PKHD1: variants seen among roughly 807,000 people sequenced by gnomAD.
PKHD1 encodes fibrocystin.
In PKHD1, 291 loss-of-function variants were observed where a neutral mutation model predicts 412.0. The ratio of observed to expected loss-of-function variants is 0.71; its 90% CI spans 0.64 to 0.78. The LOEUF is 0.78. Among genes scored for constraint, PKHD1 ranks in the 30% least tolerant of loss-of-function variants. The probability of loss-of-function intolerance (pLI) is 0.00; values close to 1 mark genes in which losing one functional copy is unlikely to be tolerated. For missense variants in PKHD1, 4,825 were observed against 4,950.7 expected, an observed-to-expected ratio of 0.97 and a Z score of 0.76; for synonymous variants, 1,777 against 1,821.5, an observed-to-expected ratio of 0.98 and a Z score of 0.62.
chr6:52,027,946 G>T, intron 30 of PKHD1, 50 bp from the exon 31 acceptor site: 1 of 1,426,552 alleles, frequency 7.0e-7, no homozygotes, highest in Non-Finnish European at 9.9e-7. Flanking sequence ...AGAGAGATAA[G>T]AAAGAGTAAG....
intron 52 of PKHD1, among the ~76,000 whole-genome samples, chr6:51,795,873 A>C (rs1425081850): frequency 6.6e-6 from 1 of 152,162 alleles, no homozygotes; most frequent in African/African-American, 2.4e-5. Context: ...GACGAAGACT[A>C]CTTGATCATG....
chr6:51,890,546 G>GA (rs76785636), intron 43 of PKHD1, among the ~76,000 whole-genome samples: 9,655 of 138,448 alleles, frequency 0.07, 348 homozygotes, highest in African/African-American at 0.11. Context: ...ATAGTCACCA[G>GA]AAAAAAAAAA....
chr6:51,755,249 T>G (rs957549098), intron 55 of PKHD1, among the ~76,000 whole-genome samples: 2 of 152,192 alleles, frequency 1.3e-5, no homozygotes, highest in African/African-American at 4.8e-5. Context: ...ATCAGCAACC[T>G]TCTTTCTGGA....
chr6:51,862,844 T>C (rs1774422139), intron 48 of PKHD1, among the ~76,000 whole-genome samples: 1 of 151,870 alleles, frequency 6.6e-6, no homozygotes, highest in African/African-American at 2.4e-5. Context: ...ACCTGGGAGG[T>C]TTTGCTGGGT....
intron 66 of PKHD1, among the ~76,000 whole-genome samples, chr6:51,626,258 A>G (rs1343818714): frequency 6.6e-6 from 1 of 152,178 alleles, no homozygotes; most frequent in African/African-American, 2.4e-5. Context: ...AGAAAATATG[A>G]TAATTGACTC....
chr6:52,085,013 T>C lies in PKHD1; in HGVS notation c.-80A>G, dbSNP rs1582169607. The C allele has an allele frequency of 4.2e-6, 4 of 963,662 alleles. No homozygotes were observed. The East Asian group carries it at 9.6e-5, about 23-fold the overall frequency. 59.7% of individuals were successfully genotyped at this position (963,662 alleles called of 1,614,324 possible). The stretch of plus-strand genomic sequence containing the variant: ...AGTTTTGATTGGAGCAGCATAGCTT[T>C]TGTGCTTTATAAAAACAAAAAAAGC... On this transcript the variant is annotated 5_prime_UTR_variant, in exon 2 of 67. Coordinates refer to ENST00000371117, the MANE Select transcript of PKHD1 (RefSeq NM_138694.4).
intron 37 of PKHD1, among the ~76,000 whole-genome samples, chr6:51,925,398 A>G (rs1785368350): frequency 6.6e-6 from 1 of 151,764 alleles, no homozygotes; most frequent in Non-Finnish European, 1.5e-5. Flanking sequence ...TGACTGGGCT[A>G]TGGGGTACCC....
intron 52 of PKHD1, among the ~76,000 whole-genome samples, chr6:51,829,954 G>A (rs12204614): frequency 0.44 from 67,488 of 151,952 alleles, 16,075 homozygotes; most frequent in Middle Eastern, 0.62. Flanking sequence ...GTCTGTAAAA[G>A]TGGGGATAAT....
At chr6:51,648,551 G>C (rs958145087) in intron 62 of PKHD1, among the ~76,000 whole-genome samples, 11 of 152,118 alleles carry the variant, frequency 7.2e-5, no homozygotes, top group Non-Finnish European at 1.5e-4. Context: ...TTATAAACAG[G>C]AGAAAGCCAA....
At chr6:51,992,573 C>A (rs1014018285) in intron 35 of PKHD1, among the ~76,000 whole-genome samples, 4 of 152,134 alleles carry the variant, frequency 2.6e-5, no homozygotes, top group African/African-American at 9.7e-5. Flanking sequence ...TGTGGAGAAG[C>A]CACCAGTACA....
Position 51,619,332 on chromosome 6 carries a change from A to G in PKHD1, c.11974T>C (p.Tyr3992His). ...TTCCAGTTCCCAGTCTCTTGCAGGT[A>G]CACCTGCTGAGCAGGAGCACCTGGA... The part of the protein sequence containing the change: ...CAPGAPAQQV[Y>H]LQETGNWKEG... Residue 3992 changes from tyrosine to histidine, a missense_variant, in exon 67 of 67, where the codon TAC becomes CAC. Tyr to His is a moderately conservative substitution (Grantham distance 83). Transcript: ENST00000371117. 6.2e-7 allele frequency: 1 copy of G among 1,614,142 alleles called. No homozygotes were observed. Among genetic ancestry groups the G allele is most frequent in the Non-Finnish European group, 8.5e-7 (1 of 1,179,926 alleles).
At chr6:52,058,652 C>A (rs1198712075) in intron 15 of PKHD1, 51 bp from the exon 16 acceptor site, 2 of 1,575,612 alleles carry the variant, frequency 1.3e-6, no homozygotes, top group Admixed American at 3.3e-5. Context: ...TTCCAGGCAT[C>A]TCTTTCTCAA....
intron 31 of PKHD1, 39 bp downstream of exon 31, chr6:52,027,790 T>A (rs1802440373): frequency 7.1e-7 from 1 of 1,418,342 alleles, no homozygotes; most frequent in African/African-American, 1.4e-5. Flanking sequence ...CAAATAGAAT[T>A]GCTGGATAAT....
chr6:51,791,277 C>T lies in PKHD1; in HGVS notation c.8399G>A (p.Ser2800Asn), dbSNP rs755873936. 1.2e-6 allele frequency: 2 copies of T among 1,614,046 alleles called. No homozygotes were observed. Among genetic ancestry groups the T allele is most frequent in the Non-Finnish European group, 1.7e-6 (2 of 1,179,926 alleles). The change falls in exon 53 of 67, where the codon AGT becomes AAT. Residue 2800 changes from serine to asparagine, a missense_variant. Transcript: ENST00000371117. ...GCCTGCAATGACCATGCATGCCACACTCAGAACATTGCTTCTGTCCACAGG... is the reference window on the plus strand; with the variant it reads ...GCCTGCAATGACCATGCATGCCACATTCAGAACATTGCTTCTGTCCACAGG... ...DFPVDRSNVL[S>N]VACMVIAGGE...
chr6:52,011,625 G>A (rs1401041480), intron 34 of PKHD1, among the ~76,000 whole-genome samples: 2 of 152,190 alleles, frequency 1.3e-5, no homozygotes, highest in East Asian at 3.8e-4. Context: ...TTGAGAAACT[G>A]TACACCATGT....
chr6:51,616,800 A>G lies in PKHD1; in HGVS notation c.*2281T>C, dbSNP rs967924518. The G allele has an allele frequency of 5.0e-6, 2 of 397,272 alleles. No homozygotes were observed. The highest frequency in any genetic ancestry group is 8.8e-5 in the Admixed American group (2 of 22,670). 24.6% of individuals were successfully genotyped at this position (397,272 alleles called of 1,614,324 possible). A position where few individuals can be genotyped will look rare whatever the true frequency, so the allele number is the denominator to read the frequency against. On this transcript the variant is annotated 3_prime_UTR_variant, in exon 67 of 67. Transcript: ENST00000371117. ...TGGTCTTGTGACACATAGAGGATAA[A>G]TAAGAAGATAATAAAAATTGGAAGA...
At chr6:51,655,865 T>C (rs958280520) in intron 61 of PKHD1, among the ~76,000 whole-genome samples, 1 of 152,140 alleles carries the variant, frequency 6.6e-6, no homozygotes, top group Non-Finnish European at 1.5e-5. Flanking sequence ...TGTGGAGAAA[T>C]AGGAACACTT....
At chr6:51,884,594 T>C (rs1274191395) in intron 45 of PKHD1, among the ~76,000 whole-genome samples, 1 of 152,172 alleles carries the variant, frequency 6.6e-6, no homozygotes, top group Non-Finnish European at 1.5e-5. Flanking sequence ...TTTTATTATT[T>C]AAACTTTTTG....
rs1766021602 is a variant in PKHD1 at position 51,615,903 on chromosome 6, A to C, written c.*3178T>G. 6.6e-6 allele frequency: 1 copy of C among 152,154 alleles called. No individual in the cohort carries two copies. Among genetic ancestry groups the C allele is most frequent in the Admixed American group, 6.6e-5 (1 of 15,258 alleles). The allele number at this position is 152,154 out of a possible 1,614,324, so 9.4% of individuals were successfully genotyped here. A position where few individuals can be genotyped will look rare whatever the true frequency, so the allele number is the denominator to read the frequency against. On this transcript the variant is annotated 3_prime_UTR_variant, in exon 67 of 67. Coordinates refer to ENST00000371117, the MANE Select transcript of PKHD1 (RefSeq NM_138694.4). ...GTCTCGCACTCTGGAAGAGACTTGA[A>C]GTTCTGTTGGTCAGGTACTTTCCCT...
Sources: gnomAD v4.1 joint callset for allele counts (sites outside exome capture counted in the v4.1 genomes callset) on GRCh38, gnomAD v4.1.1 for gene constraint, MANE v1.5 for transcripts, NCBI Gene and HGNC (gene_info 2026-07-23, HGNC 2026-07-21) for gene names.